Variants in CCDC91 observed in about 807,000 individuals in gnomAD.
CCDC91 encodes coiled-coil domain-containing protein 91.
In CCDC91, 48 loss-of-function variants were observed where a neutral mutation model predicts 63.2. The observed-to-expected ratio is 0.76, with a 90% CI of 0.60 to 0.97. The LOEUF is 0.97. Ranked by LOEUF, CCDC91 falls within the 50% of genes least tolerant of loss-of-function variation. The pLI is 0.00. For synonymous variants in CCDC91, 167 were observed against 165.8 expected (o/e 1.01, Z -0.06); for missense variants, 500 against 494.6 (o/e 1.01, Z -0.10).
intron 12 of CCDC91, among the ~76,000 whole-genome samples, chr12:28,509,717 A>G (rs368281785): frequency 2.0e-5 from 3 of 152,048 alleles, no homozygotes; most frequent in East Asian, 1.9e-4. Flanking sequence ...TATTCGAATG[A>G]AAATATTTGT....
chr12:28,322,199 T>C (rs568389730), intron 6 of CCDC91, among the ~76,000 whole-genome samples: 2 of 152,028 alleles, frequency 1.3e-5, no homozygotes, highest in South Asian at 4.1e-4. Flanking sequence ...TCCATCTGCA[T>C]CTAAAATTAC....
intron 3 of CCDC91, among the ~76,000 whole-genome samples, chr12:28,287,143 C>T (rs1451047271): frequency 1.3e-5 from 2 of 151,954 alleles, no homozygotes; most frequent in African/African-American, 4.8e-5. Context: ...AATATTTTCT[C>T]CCATTCTGTA....
At chr12:28,224,028 C>T (rs73263445) in intron 1 of CCDC91, among the ~76,000 whole-genome samples, 8,231 of 152,180 alleles carry the variant, frequency 0.054, 642 homozygotes, top group African/African-American at 0.18. Flanking sequence ...CTTAAGTGCT[C>T]CACAAATCAG....
At chr12:28,435,879 T>G (rs1948877847) in intron 8 of CCDC91, among the ~76,000 whole-genome samples, 1 of 151,844 alleles carries the variant, frequency 6.6e-6, no homozygotes. Context: ...CCCTGATAAT[T>G]TATTTTGTTC....
intron 3 of CCDC91, among the ~76,000 whole-genome samples, chr12:28,289,662 G>T (rs1410679382): frequency 6.6e-6 from 1 of 150,598 alleles, no homozygotes; most frequent in Non-Finnish European, 1.5e-5. Flanking sequence ...CTGCTGTTTT[G>T]GGGTGGAGAG....
chr12:28,476,022 A>T (rs1448061446), intron 11 of CCDC91, among the ~76,000 whole-genome samples: 1 of 152,002 alleles, frequency 6.6e-6, no homozygotes, highest in Non-Finnish European at 1.5e-5. Context: ...TTGGTTAAAA[A>T]AACTGCATCC....
At chr12:28,520,539 G>T (rs1487205283) in intron 12 of CCDC91, among the ~76,000 whole-genome samples, 1 of 152,062 alleles carries the variant, frequency 6.6e-6, no homozygotes, top group Non-Finnish European at 1.5e-5. Context: ...CACTCTGATG[G>T]TAGTTTCTTT....
At chr12:28,404,924 G>GT (rs1245107506) in intron 8 of CCDC91, among the ~76,000 whole-genome samples, 1 of 151,834 alleles carries the variant, frequency 6.6e-6, no homozygotes, top group Non-Finnish European at 1.5e-5. Flanking sequence ...GGAGGGTCTT[G>GT]TTTTTTGCTC....
chr12:28,337,833 T>C (rs1346696803), intron 6 of CCDC91, among the ~76,000 whole-genome samples: 1 of 152,154 alleles, frequency 6.6e-6, no homozygotes, highest in Non-Finnish European at 1.5e-5. Context: ...TTGAACATTT[T>C]TCCTTTTGGG....
intron 7 of CCDC91, among the ~76,000 whole-genome samples, chr12:28,379,452 CA>C (rs199790729): frequency 0.067 from 3,164 of 47,322 alleles, 72 homozygotes; most frequent in African/African-American, 0.15. Flanking sequence ...AACAAATTTA[CA>C]AAAAAAAAAA....
At chr12:28,409,227 A>G (rs1369216652) in intron 8 of CCDC91, among the ~76,000 whole-genome samples, 1 of 152,122 alleles carries the variant, frequency 6.6e-6, no homozygotes, top group Non-Finnish European at 1.5e-5. Context: ...TTTTTGTCAA[A>G]GCCCCTTTAT....
At chr12:28,424,465 A>C (rs1948193956) in intron 8 of CCDC91, among the ~76,000 whole-genome samples, 1 of 152,072 alleles carries the variant, frequency 6.6e-6, no homozygotes, top group African/African-American at 2.4e-5. Context: ...CCCCCTAAAT[A>C]CTTAACATTT....
At chr12:28,418,643 G>A (rs1057232556) in intron 8 of CCDC91, among the ~76,000 whole-genome samples, 2 of 152,066 alleles carry the variant, frequency 1.3e-5, no homozygotes, top group Non-Finnish European at 2.9e-5. Context: ...GATTAATACT[G>A]TAAAATAGAT....
chr12:28,268,634 C>T (rs1947524531), intron 3 of CCDC91: 9 of 984,486 alleles, frequency 9.1e-6, no homozygotes, highest in Non-Finnish European at 9.6e-6. Flanking sequence ...ATTATTTTGG[C>T]CACAGAGCTA....
intron 6 of CCDC91, among the ~76,000 whole-genome samples, chr12:28,312,451 C>T (rs548312393): frequency 6.6e-6 from 1 of 151,888 alleles, no homozygotes; most frequent in East Asian, 1.9e-4. Flanking sequence ...CTTAGGCTTC[C>T]GTATTTGACC....
intron 3 of CCDC91, among the ~76,000 whole-genome samples, chr12:28,267,979 C>A (rs1288607921): frequency 1.0e-5 from 1 of 99,278 alleles, no homozygotes; most frequent in African/African-American, 4.1e-5. Flanking sequence ...TTAATATATA[C>A]CCAATCTTAA....
At chr12:28,512,893 T>G (rs1202361154) in intron 12 of CCDC91, among the ~76,000 whole-genome samples, 1 of 151,936 alleles carries the variant, frequency 6.6e-6, no homozygotes, top group African/African-American at 2.4e-5. Context: ...TAGTTAAGTA[T>G]GTCAAAATGC....
At chr12:28,240,191 C>T (rs1038004795) in intron 1 of CCDC91, among the ~76,000 whole-genome samples, 1 of 152,152 alleles carries the variant, frequency 6.6e-6, no homozygotes, top group African/African-American at 2.4e-5. Flanking sequence ...CCATTTTACG[C>T]TTTCTAATAG....
At chr12:28,400,504 T>C (rs1374013097) in intron 8 of CCDC91, among the ~76,000 whole-genome samples, 3 of 152,222 alleles carry the variant, frequency 2.0e-5, no homozygotes, top group Admixed American at 6.5e-5. Flanking sequence ...TTGTTACTTA[T>C]GCAAATTTCT....
Sources: gnomAD v4.1 joint callset for allele counts (sites outside exome capture counted in the v4.1 genomes callset) on GRCh38, gnomAD v4.1.1 for gene constraint, MANE v1.5 for transcripts, NCBI Gene and HGNC (gene_info 2026-07-23, HGNC 2026-07-21) for gene names.